The following CAMK2G variants were observed in gnomAD, a reference collection of about 807,000 sequenced individuals.
CAMK2G encodes the protein calcium/calmodulin-dependent protein kinase type II subunit gamma.
Under a neutral mutation model 88.7 loss-of-function variants are expected in CAMK2G, and 23 were observed. The observed-to-expected ratio is 0.26, with a 90% CI of 0.19 to 0.37. CAMK2G has a LOEUF of 0.37. Among genes scored for constraint, CAMK2G ranks in the 10% least tolerant of loss-of-function variants. The probability of loss-of-function intolerance (pLI) is 1.00; values close to 1 mark genes in which losing one functional copy is unlikely to be tolerated. For missense variants in CAMK2G, 476 were observed against 780.8 expected (o/e 0.61, Z 4.65); for synonymous variants, 263 against 294.8 (o/e 0.89, Z 1.11).
intron 17 of CAMK2G, among the ~76,000 whole-genome samples, chr10:73,823,710 A>G (rs2089947887): frequency 6.6e-6 from 1 of 152,098 alleles, no homozygotes. Context: ...GGGTCTGGAG[A>G]TACTCTTGCC....
intron 5 of CAMK2G, 73 bp downstream of exon 5, chr10:73,852,181 C>T (rs914254416): frequency 2.7e-6 from 3 of 1,103,640 alleles, no homozygotes; most frequent in East Asian, 2.4e-5. Context: ...AATGCTGGAC[C>T]CCGAAGGTGG....
In CAMK2G at chr10:73,817,408, A is replaced by T; in HGVS notation, c.1439+71T>A. The T allele has an allele frequency of 5.3e-6, 6 of 1,121,648 alleles. No homozygotes were observed. In the South Asian group the frequency reaches 7.4e-5, roughly 14 times the overall value. The allele number at this position is 1,121,648 out of a possible 1,614,324, so 69.5% of individuals were successfully genotyped here. On this transcript the variant is annotated intron_variant, in intron 20 of 22. Coordinates refer to ENST00000423381, the MANE Select transcript of CAMK2G (RefSeq NM_001367534.1). ...CAACCTCCCTTTCCCCAGGGTCCTAATTGTTGTCTGGAAGCAGGGAAGGCC... is the reference window on the plus strand; with the variant it reads ...CAACCTCCCTTTCCCCAGGGTCCTATTTGTTGTCTGGAAGCAGGGAAGGCC...
At chr10:73,853,517 C>T (rs570208282) in intron 3 of CAMK2G, among the ~76,000 whole-genome samples, 2 of 152,204 alleles carry the variant, frequency 1.3e-5, no homozygotes, top group African/African-American at 4.8e-5. Context: ...AAAGCCGGAA[C>T]CTTCCCAGAG....
intron 3 of CAMK2G, among the ~76,000 whole-genome samples, chr10:73,856,333 C>G (rs1007148957): frequency 1.9e-4 from 29 of 152,176 alleles, no homozygotes; most frequent in African/African-American, 7.0e-4. Flanking sequence ...CCTGATATTG[C>G]AGAGTTGCTT....
chr10:73,831,880 T>C (rs1370881157), intron 14 of CAMK2G, among the ~76,000 whole-genome samples: 1 of 151,806 alleles, frequency 6.6e-6, no homozygotes, highest in Non-Finnish European at 1.5e-5. Flanking sequence ...AAAAAAGATA[T>C]CATTATAAGA....
At chr10:73,852,094 C>T (rs2094670713) in intron 5 of CAMK2G, among the ~76,000 whole-genome samples, 160 bp downstream of exon 5, 1 of 152,130 alleles carries the variant, frequency 6.6e-6, no homozygotes, top group Non-Finnish European at 1.5e-5. Flanking sequence ...AGTATGCAAG[C>T]CCTAGCCCAG....
At chr10:73,863,671 T>C (rs2095475635) in intron 2 of CAMK2G, among the ~76,000 whole-genome samples, 1 of 152,194 alleles carries the variant, frequency 6.6e-6, no homozygotes, top group Non-Finnish European at 1.5e-5. Context: ...TTAAGTCTCT[T>C]ACTAGCTAAT....
intron 12 of CAMK2G, among the ~76,000 whole-genome samples, chr10:73,841,018 A>G (rs1191709662): frequency 1.3e-5 from 2 of 152,140 alleles, no homozygotes; most frequent in African/African-American, 2.4e-5. Flanking sequence ...TCAAGCCCCA[A>G]ACCAGGGTCA....
rs550701758 is a variant in CAMK2G, at chr10:73,823,244, C to A, written c.1200+796G>T. On this transcript the variant is annotated intron_variant, in intron 17 of 22. Coordinates refer to ENST00000423381, the MANE Select transcript of CAMK2G (RefSeq NM_001367534.1). Reference sequence around the variant, plus strand: ...ATTTATTTTTTTTGAGAGATTAAGTCTCACTGCGTAGCCCAAGCTGGAGTG... The same window carrying A: ...ATTTATTTTTTTTGAGAGATTAAGTATCACTGCGTAGCCCAAGCTGGAGTG... 1.4e-4 allele frequency among the ~76,000 whole-genome samples: 22 copies of A among 152,094 alleles called. No individual in the cohort carries two copies. The South Asian group carries it at 3.7e-3, about 26-fold the overall frequency.
chr10:73,819,087 GATCT>G (rs1415115382), intron 19 of CAMK2G, among the ~76,000 whole-genome samples: 5 of 152,168 alleles, frequency 3.3e-5, no homozygotes, highest in Non-Finnish European at 5.9e-5. Context: ...TTTAAACTCA[GATCT>G]ATCTTGCCTC....
At chr10:73,831,819 C>T (rs2092493189) in intron 14 of CAMK2G, among the ~76,000 whole-genome samples, 1 of 151,906 alleles carries the variant, frequency 6.6e-6, no homozygotes, top group Non-Finnish European at 1.5e-5. Flanking sequence ...AAGATCACAC[C>T]ACTACACTCC....
chr10:73,873,893 C>T (rs1591540678), intron 1 of CAMK2G, among the ~76,000 whole-genome samples: 2 of 130,768 alleles, frequency 1.5e-5, no homozygotes, highest in African/African-American at 5.9e-5. Flanking sequence ...GACGGGGGTG[C>T]CGCAGCACTG....
Position 73,849,254 on chromosome 10 carries a change from G to GT in CAMK2G, c.414+6dup. The GT allele has an allele frequency of 6.2e-7, 1 of 1,611,422 alleles. No homozygotes were observed. Among genetic ancestry groups the GT allele is most frequent in the South Asian group, 1.1e-5 (1 of 90,996 alleles). On this transcript the variant is annotated splice_region_variant and intron_variant, in intron 6 of 22. Coordinates refer to ENST00000423381, the MANE Select transcript of CAMK2G (RefSeq NM_001367534.1). ...AGCAGAGGCACGGAGGGGAGCCTGG[G>GT]TAGTACCTTCAGGTCCCTGTGGACG...
Position 73,842,307 on chromosome 10 carries a change from A to C in CAMK2G, c.904-96T>G. On this transcript the variant is annotated intron_variant, in intron 11 of 22. Coordinates refer to ENST00000423381, the MANE Select transcript of CAMK2G (RefSeq NM_001367534.1). This position sits in a 1 kb window ranked among gnomAD's most constrained non-coding sequence, Gnocchi z 4.6. ...CAGGTCCTGGCTAGAGCCTGAAGAC[A>C]TCAGGCCTCTGGGCCCCCTCCCCTG... The C allele has an allele frequency of 3.3e-6, 4 of 1,194,794 alleles. No homozygotes were observed. Among genetic ancestry groups the C allele is most frequent in the Non-Finnish European group, 3.8e-6 (3 of 798,050 alleles). 74.0% of individuals were successfully genotyped at this position (1,194,794 alleles called of 1,614,324 possible).
intron 21 of CAMK2G, chr10:73,815,817 G>A: frequency 1.0e-6 from 1 of 985,494 alleles, no homozygotes; most frequent in Non-Finnish European, 1.2e-6. Flanking sequence ...GATATTCCCA[G>A]GATTCTCTGG....
At chr10:73,841,676 A>G (rs557727252) in intron 12 of CAMK2G, among the ~76,000 whole-genome samples, 83 of 152,320 alleles carry the variant, frequency 5.4e-4, no homozygotes, top group Non-Finnish European at 8.4e-4. Context: ...TTTTAAGCAC[A>G]AGTCGCCACA....
At chr10:73,837,251 C>T (rs1444565246) in intron 14 of CAMK2G, 4 of 615,248 alleles carry the variant, frequency 6.5e-6, no homozygotes, top group Non-Finnish European at 1.2e-5. Context: ...ATCACTTCCC[C>T]TGAGTCATTC....
At chr10:73,833,007 C>CAG (rs2092694753) in intron 14 of CAMK2G, among the ~76,000 whole-genome samples, 1 of 150,916 alleles carries the variant, frequency 6.6e-6, no homozygotes, top group South Asian at 2.1e-4. Context: ...CTCTGTCACC[C>CAG]AGGCTGGAGC....
At chr10:73,856,986 AAC>A (rs2095081325) in intron 3 of CAMK2G, among the ~76,000 whole-genome samples, 1 of 152,236 alleles carries the variant, frequency 6.6e-6, no homozygotes, top group Non-Finnish European at 1.5e-5. Context: ...CTGCAGCAAT[AAC>A]ACAGTGGGAA....
Sources: allele counts gnomAD v4.1 joint callset (sites outside exome capture counted in the v4.1 genomes callset), GRCh38; gene constraint gnomAD v4.1.1; non-coding constraint Gnocchi (gnomAD v3.1); transcripts MANE v1.5; gene names NCBI Gene and HGNC (gene_info 2026-07-23, HGNC 2026-07-21).